Variants in CAMSAP1 observed in about 807,000 individuals in gnomAD.
CAMSAP1 encodes the protein calmodulin regulated spectrin associated protein 1.
Under a neutral mutation model 143.5 loss-of-function variants are expected in CAMSAP1, and 58 were observed. The observed-to-expected ratio is 0.40, with a 90% CI of 0.33 to 0.50. The LOEUF (loss-of-function observed/expected upper bound fraction) is 0.50. Ranked by LOEUF, CAMSAP1 falls within the 20% of genes least tolerant of loss-of-function variation. The pLI, the probability that CAMSAP1 is intolerant of heterozygous loss-of-function variation, is 0.45. For synonymous variants in CAMSAP1, 945 were observed against 859.3 expected (o/e 1.10, Z -1.74); for missense variants, 1,969 against 2,115.7 (o/e 0.93, Z 1.36).
chr9:135,837,021 C>CG, intron 7 of CAMSAP1: 1 of 853,606 alleles, frequency 1.2e-6, no homozygotes, highest in Non-Finnish European at 1.4e-6. Flanking sequence ...TAGAGACACA[C>CG]GTCACCACAC....
chr9:135,811,096 C>T lies in CAMSAP1; in HGVS notation c.*213G>A, dbSNP rs573254302. 1.3e-4 allele frequency: 77 copies of T among 614,634 alleles called. No individual in the cohort carries two copies. In the African/African-American group the frequency reaches 1.3e-3, roughly 11 times the overall value. The allele number at this position is 614,634 out of a possible 1,614,324, so 38.1% of individuals were successfully genotyped here. On this transcript the variant is annotated 3_prime_UTR_variant, in exon 17 of 17. Transcript: ENST00000389532. This position sits in a 1 kb window ranked among gnomAD's most constrained non-coding sequence, Gnocchi z 4.9. Reference sequence around the variant, plus strand: ...GCGGCATCTACTCCCCCATCCTCACCCTGCCTGGCATCCTCTGCGTGAGAT... The same window carrying T: ...GCGGCATCTACTCCCCCATCCTCACTCTGCCTGGCATCCTCTGCGTGAGAT...
chr9:135,883,537 G>GA (rs1451077418), intron 1 of CAMSAP1, among the ~76,000 whole-genome samples: 2 of 152,210 alleles, frequency 1.3e-5, no homozygotes, highest in Non-Finnish European at 2.9e-5. Context: ...TCAGCCCGGG[G>GA]AGGGAGCCCA....
intron 14 of CAMSAP1, 57 bp from the exon 15 acceptor site, chr9:135,816,062 C>T: frequency 6.5e-7 from 1 of 1,538,752 alleles, no homozygotes; most frequent in Non-Finnish European, 8.9e-7. Context: ...CCTCTCACCA[C>T]TGCTGGCAAG....
chr9:135,814,982 C>T, intron 16 of CAMSAP1, 115 bp downstream of exon 16: 2 of 769,412 alleles, frequency 2.6e-6, no homozygotes, highest in Non-Finnish European at 4.2e-6. Flanking sequence ...AATCTGCATT[C>T]TCCCTAGTAA....
intron 5 of CAMSAP1, among the ~76,000 whole-genome samples, chr9:135,860,119 GT>G (rs1837130542): frequency 6.6e-6 from 1 of 152,166 alleles, no homozygotes; most frequent in Admixed American, 6.5e-5. Flanking sequence ...TACTCAGGAG[GT>G]TGAGATGGGA....
rs755668763 is a variant in CAMSAP1, at chr9:135,818,043, A to T, written c.4205T>A (p.Leu1402Gln). Residue 1402 changes from leucine (L) to glutamine (Q), a missense_variant, in exon 14 of 17, where the codon CTG (leucine) becomes CAG (glutamine). Physicochemically the swap from Leu to Gln is moderately radical, Grantham distance 113. This residue lies in a region of CAMSAP1 where 1,390 missense variants were observed against 1,420.8 expected (regional missense o/e 0.98). Transcript: ENST00000389532. This position sits in a 1 kb window ranked among gnomAD's most constrained non-coding sequence, Gnocchi z 7.7. The stretch of plus-strand genomic sequence containing the variant: ...TGTCGTCGCCGCAGAGGCCAAGGAC[A>T]GGCTGGAGCCTGACTGAGTCCGGCT... Reference protein sequence around the residue: ...NLSRTQSGSSLSLASAATTEP... With the variant: ...NLSRTQSGSSQSLASAATTEP... The T allele has an allele frequency of 1.2e-6, 2 of 1,613,894 alleles. No individual in the cohort carries two copies. The highest frequency in any genetic ancestry group is 2.2e-5 in the South Asian group (2 of 91,080).
chr9:135,893,329 GA>G (rs1261740245), intron 1 of CAMSAP1, among the ~76,000 whole-genome samples: 3 of 139,038 alleles, frequency 2.2e-5, no homozygotes, highest in East Asian at 4.2e-4. Flanking sequence ...AAGGAGAAAG[GA>G]AAAAACAAAA....
chr9:135,823,912 A>G (rs1835579137), intron 10 of CAMSAP1, 38 bp downstream of exon 10: 2 of 1,512,182 alleles, frequency 1.3e-6, no homozygotes, highest in Non-Finnish European at 1.8e-6. Flanking sequence ...AGTATAAAAA[A>G]CATTCCAAAC....
chr9:135,829,721 C>T (rs1271546873), intron 7 of CAMSAP1, among the ~76,000 whole-genome samples: 1 of 151,946 alleles, frequency 6.6e-6, no homozygotes, highest in Admixed American at 6.6e-5. Flanking sequence ...GGCGTGGTGG[C>T]GGATACCTGT....
chr9:135,881,611 C>G, intron 3 of CAMSAP1, 22 bp downstream of exon 3: 1 of 1,551,240 alleles, frequency 6.4e-7, no homozygotes, highest in South Asian at 1.2e-5. Flanking sequence ...AGTCACACAC[C>G]ACATCTAGGC....
Position 135,820,962 on chromosome 9 carries a change from G to T in CAMSAP1, c.3699C>A (p.Leu1233=). ...TCAGGTCGGAGAGGTCCACTTCAAT[G>T]AGGCTGGCCCTGCTCCTCAGAGGCT... ...VEEPLRSRAS[L]IEVDLSDLKA... The change falls in exon 11 of 17, where the codon CTC becomes CTA. Residue 1233 remains leucine, a synonymous_variant. Coordinates refer to ENST00000389532, the MANE Select transcript of CAMSAP1 (RefSeq NM_015447.4). The surrounding 1 kb of genome is among the most constrained non-coding windows in gnomAD (Gnocchi z 4.4). 1.9e-6 allele frequency: 3 copies of T among 1,613,534 alleles called. No homozygotes were observed. Among genetic ancestry groups the T allele is most frequent in the South Asian group, 2.2e-5 (2 of 91,064 alleles).
chr9:135,818,147 C>T lies in CAMSAP1; in HGVS notation c.4169-68G>A. The T allele has an allele frequency of 1.3e-6, 2 of 1,492,738 alleles. No individual in the cohort carries two copies. The highest frequency in any genetic ancestry group is 9.2e-7 in the Non-Finnish European group (1 of 1,082,836). 92.5% of individuals were successfully genotyped at this position (1,492,738 alleles called of 1,614,324 possible). A position where few individuals can be genotyped will look rare whatever the true frequency, so the allele number is the denominator to read the frequency against. On this transcript the variant is annotated intron_variant, in intron 13 of 16. Coordinates refer to ENST00000389532, the MANE Select transcript of CAMSAP1 (RefSeq NM_015447.4). The surrounding 1 kb of genome is among the most constrained non-coding windows in gnomAD (Gnocchi z 7.7). ...GACAGACAAGTACCTGTCCCCTGTA[C>T]CTGTTCCCCTCACCTCGCCCTGCAG...
intron 7 of CAMSAP1, among the ~76,000 whole-genome samples, chr9:135,835,244 C>CA (rs1178359146): frequency 1.3e-5 from 2 of 152,146 alleles, no homozygotes; most frequent in Non-Finnish European, 2.9e-5. Flanking sequence ...CTCCCGCCCC[C>CA]ACACACACAG....
intron 7 of CAMSAP1, among the ~76,000 whole-genome samples, chr9:135,848,543 G>A (rs1197400655): frequency 3.3e-5 from 5 of 151,820 alleles, no homozygotes; most frequent in Non-Finnish European, 7.4e-5. Context: ...GCACACACAC[G>A]CATGCACACA....
chr9:135,813,276 G>A (rs1245431281), intron 16 of CAMSAP1, among the ~76,000 whole-genome samples: 3 of 152,176 alleles, frequency 2.0e-5, no homozygotes, highest in African/African-American at 4.8e-5. Context: ...ATGGACGGAG[G>A]GCCCGAGCGG....
rs202048395 is a variant in CAMSAP1 at position 135,836,300 on chromosome 9, CCT to C, written c.1046-8718_1046-8717del. 2.4e-4 allele frequency: 236 copies of C among 985,150 alleles called. 3 individuals are homozygous for C. In the East Asian group the frequency reaches 0.02, roughly 82 times the overall value. The allele number at this position is 985,150 out of a possible 1,614,324, so 61.0% of individuals were successfully genotyped here. On this transcript the variant is annotated intron_variant, in intron 7 of 16. Coordinates refer to ENST00000389532, the MANE Select transcript of CAMSAP1 (RefSeq NM_015447.4). Reference sequence around the variant, plus strand: ...CCACACATCACCACGTACCTTCTACCCTGTTCTACAGACACACGTCACCACGC... The same window carrying C: ...CCACACATCACCACGTACCTTCTACCGTTCTACAGACACACGTCACCACGC...
At chr9:135,842,915 A>G (rs1212624037) in intron 7 of CAMSAP1, among the ~76,000 whole-genome samples, 1 of 152,272 alleles carries the variant, frequency 6.6e-6, no homozygotes, top group African/African-American at 2.4e-5. Context: ...AACACTATCT[A>G]TGAAGAAACT....
Position 135,882,908 on chromosome 9 carries a change from T to C in CAMSAP1, c.331A>G (p.Ile111Val), listed in dbSNP as rs889095742. Residue 111 changes from isoleucine (I) to valine (V), a missense_variant, in exon 2 of 17, where the codon ATC (isoleucine) becomes GTC (valine). Ile to Val is a conservative substitution (Grantham distance 29). Transcript: ENST00000389532. This position sits in a 1 kb window ranked among gnomAD's most constrained non-coding sequence, Gnocchi z 4.9. ...VAALQGHQSV[I>V]QALSRKGIYV... ...ATCCCTTTCCGGGACAGGGCCTGGA[T>C]GACAGACTGGTGTCCCTGTAAGGCG... is the stretch of plus-strand genomic sequence containing the variant. 4 of 1,551,612 alleles carry C rather than the reference T, an allele frequency of 2.6e-6. No individual in the cohort carries two copies. The highest frequency in any genetic ancestry group is 2.6e-6 in the Non-Finnish European group (3 of 1,147,008).
At position 135,821,789 on chromosome 9, in the gene CAMSAP1, G is replaced by C; in HGVS notation, c.2872C>G (p.Leu958Val). 1.9e-6 allele frequency: 3 copies of C among 1,614,006 alleles called. No individual in the cohort carries two copies. In the East Asian group the frequency reaches 6.7e-5, roughly 36 times the overall value. The change falls in exon 11 of 17, where the codon CTC becomes GTC. Residue 958 changes from leucine (L) to valine (V), a missense_variant. This residue lies in a region of CAMSAP1 where 1,390 missense variants were observed against 1,420.8 expected (regional missense o/e 0.98). Coordinates refer to ENST00000389532, the MANE Select transcript of CAMSAP1 (RefSeq NM_015447.4). The surrounding 1 kb of genome is among the most constrained non-coding windows in gnomAD (Gnocchi z 4.6). ...GDAVSKTEDF[L>V]VKEEQREELL... ...TCCTCTCTCTGCTCCTCCTTCACGA[G>C]AAAGTCTTCGGTTTTGGAAACAGCG...
Sources: gnomAD v4.1 joint callset for allele counts (sites outside exome capture counted in the v4.1 genomes callset) on GRCh38, gnomAD v4.1.1 for gene constraint, gnomAD v4.1.1 regional missense constraint, Gnocchi (gnomAD v3.1) non-coding constraint, MANE v1.5 for transcripts, NCBI Gene and HGNC (gene_info 2026-07-23, HGNC 2026-07-21) for gene names.